Variants in MBOAT2 observed in about 807,000 individuals in gnomAD.
The protein encoded by MBOAT2 is membrane-bound glycerophospholipid O-acyltransferase 2.
MBOAT2 carries 28 observed loss-of-function variants against 63.4 expected under a neutral mutation model. That is an observed-to-expected ratio of 0.44 (90% CI 0.33 to 0.61). The LOEUF is 0.61. Among genes scored for constraint, MBOAT2 ranks in the 20% least tolerant of loss-of-function variants. The pLI is 0.03. For synonymous variants in MBOAT2, 211 were observed against 215.6 expected, an observed-to-expected ratio of 0.98 and a Z score of 0.19; for missense variants, 470 against 605.8, an observed-to-expected ratio of 0.78 and a Z score of 2.35.
At chr2:8,936,236 G>C (rs1034609918) in intron 3 of MBOAT2, among the ~76,000 whole-genome samples, 16 of 152,084 alleles carry the variant, frequency 1.1e-4, no homozygotes, top group African/African-American at 3.9e-4. Context: ...ATTTGTTGCA[G>C]GAATGACATT....
At chr2:8,905,496 T>C (rs1230700035) in intron 4 of MBOAT2, among the ~76,000 whole-genome samples, 3 of 152,212 alleles carry the variant, frequency 2.0e-5, no homozygotes, top group Non-Finnish European at 4.4e-5. Context: ...GAGATGCATG[T>C]CCTTTGTAGG....
chr2:8,867,782 C>T (rs1271333733), intron 9 of MBOAT2, among the ~76,000 whole-genome samples: 2 of 152,248 alleles, frequency 1.3e-5, no homozygotes, highest in African/African-American at 4.8e-5. Context: ...ATTAACAAAA[C>T]ATCCTCCTAA....
chr2:8,974,480 C>A, intron 1 of MBOAT2: 2 of 454,982 alleles, frequency 4.4e-6, no homozygotes, highest in African/African-American at 2.0e-5. Flanking sequence ...ATTAAAGAAC[C>A]CAGGCCTTGA....
At chr2:8,971,655 C>A (rs1214270491) in intron 1 of MBOAT2, among the ~76,000 whole-genome samples, 1 of 152,174 alleles carries the variant, frequency 6.6e-6, no homozygotes, top group South Asian at 2.1e-4. Context: ...AGCTGATAAG[C>A]AACTTCAGCA....
chr2:8,968,541 C>G (rs970993826), intron 1 of MBOAT2, among the ~76,000 whole-genome samples: 1 of 151,600 alleles, frequency 6.6e-6, no homozygotes, highest in African/African-American at 2.4e-5. Flanking sequence ...ATGACTTTGA[C>G]GAGTTGAGAG....
At chr2:8,964,305 C>T (rs1403092308) in intron 1 of MBOAT2, among the ~76,000 whole-genome samples, 1 of 152,150 alleles carries the variant, frequency 6.6e-6, no homozygotes, top group East Asian at 1.9e-4. Flanking sequence ...TAAAACTGAG[C>T]GTAAGCTTCT....
chr2:8,882,623 G>A (rs374706656), intron 5 of MBOAT2, 58 bp from the exon 6 acceptor site: 4 of 1,475,596 alleles, frequency 2.7e-6, no homozygotes, highest in Non-Finnish European at 3.8e-6. Context: ...TGGCATTTTT[G>A]CCCATGCACA....
At chr2:8,976,201 AAACAGAAGCAGAAAGCGAGCGATTT>A in intron 1 of MBOAT2, among the ~76,000 whole-genome samples, 2 of 152,258 alleles carry the variant, frequency 1.3e-5, no homozygotes, top group East Asian at 3.9e-4. Flanking sequence ...AAATGCATGG[AAACAGAAGCAGAAAGCGAGCGATTT>A]AATCAAGGCA....
At chr2:8,898,408 A>C (rs943634874) in intron 4 of MBOAT2, among the ~76,000 whole-genome samples, 51 of 152,242 alleles carry the variant, frequency 3.3e-4, no homozygotes, top group African/African-American at 1.2e-3. Flanking sequence ...CGGATAAGCC[A>C]GTACAGCCTG....
intron 2 of MBOAT2, among the ~76,000 whole-genome samples, chr2:8,947,919 T>A (rs1668536974): frequency 6.6e-6 from 1 of 152,166 alleles, no homozygotes; most frequent in African/African-American, 2.4e-5. Flanking sequence ...AAGAAATACA[T>A]TTCGTAGGGC....
chr2:8,876,577 T>C (rs1662716534), intron 7 of MBOAT2, among the ~76,000 whole-genome samples: 1 of 151,942 alleles, frequency 6.6e-6, no homozygotes, highest in South Asian at 2.1e-4. Context: ...AGAAGAAAGA[T>C]TTCAACTTGC....
At chr2:8,907,194 C>T (rs538443295) in intron 4 of MBOAT2, among the ~76,000 whole-genome samples, 135 of 152,334 alleles carry the variant, frequency 8.9e-4, no homozygotes, top group African/African-American at 3.1e-3. Context: ...ATTTCTCTTT[C>T]AGATGGCACA....
rs571750538 is a variant in MBOAT2 at position 9,003,502 on chromosome 2, G to A, written c.75+38C>T. ...TGGCACCGCGGCGGGGAGGGGCGGCGAGGGCGCGACGCCCGGCGCCAGGGC... is the reference window on the plus strand; with the variant it reads ...TGGCACCGCGGCGGGGAGGGGCGGCAAGGGCGCGACGCCCGGCGCCAGGGC... On this transcript the variant is annotated intron_variant, in intron 1 of 12. Transcript: ENST00000305997. This position sits in a 1 kb window ranked among gnomAD's most constrained non-coding sequence, Gnocchi z 5.4. The A allele has an allele frequency of 5.1e-6, 6 of 1,169,472 alleles. No individual in the cohort carries two copies. The South Asian group carries it at 2.0e-4, about 39-fold the overall frequency. 72.4% of individuals were successfully genotyped at this position (1,169,472 alleles called of 1,614,324 possible).
At chr2:8,958,950 G>A (rs1669421022) in intron 1 of MBOAT2, among the ~76,000 whole-genome samples, 1 of 152,164 alleles carries the variant, frequency 6.6e-6, no homozygotes, top group Non-Finnish European at 1.5e-5. Context: ...GAAACAAAAA[G>A]CCCAGGGCAC....
chr2:8,873,461 A>G (rs1033755007), intron 7 of MBOAT2, among the ~76,000 whole-genome samples, 161 bp from the exon 8 acceptor site: 2 of 152,204 alleles, frequency 1.3e-5, no homozygotes, highest in Non-Finnish European at 1.5e-5. Context: ...AAAGTCTTCC[A>G]TGGTCTCATG....
At chr2:8,872,730 T>C (rs747063330) in intron 8 of MBOAT2, among the ~76,000 whole-genome samples, 9 of 152,238 alleles carry the variant, frequency 5.9e-5, no homozygotes, top group Non-Finnish European at 1.3e-4. Context: ...CTATGGCTAA[T>C]GGTCTATTTA....
rs573358969 is a variant in MBOAT2, at chr2:8,993,901, A to G, written c.75+9639T>C. Among the ~76,000 whole-genome samples the G allele has an allele frequency of 4.4e-4, 67 of 152,332 alleles. No homozygotes were observed. The South Asian group carries it at 0.013, about 31-fold the overall frequency. ...TGGTGCCCTCTCCAGCCCCTGGAAA[A>G]GCACTTAAAGTCAGTAACACCCAAA... On this transcript the variant is annotated intron_variant, in intron 1 of 12. Coordinates refer to ENST00000305997, the MANE Select transcript of MBOAT2 (RefSeq NM_138799.4).
intron 1 of MBOAT2, among the ~76,000 whole-genome samples, chr2:8,990,874 A>G (rs1671880057): frequency 6.6e-6 from 1 of 152,190 alleles, no homozygotes; most frequent in African/African-American, 2.4e-5. Context: ...TACAAGAAAT[A>G]CACAAGGGCT....
chr2:8,979,748 C>A (rs1031029633), intron 1 of MBOAT2, among the ~76,000 whole-genome samples: 5 of 152,030 alleles, frequency 3.3e-5, no homozygotes, highest in Admixed American at 6.6e-5. Flanking sequence ...AACTATACAG[C>A]GACATGTGGC....
Sources: gnomAD v4.1 joint callset for allele counts (sites outside exome capture counted in the v4.1 genomes callset) on GRCh38, gnomAD v4.1.1 for gene constraint, Gnocchi (gnomAD v3.1) non-coding constraint, MANE v1.5 for transcripts, NCBI Gene and HGNC (gene_info 2026-07-23, HGNC 2026-07-21) for gene names.